Variants in DNAAF8 observed in about 807,000 individuals in gnomAD.
The protein encoded by DNAAF8 is dynein axonemal assembly factor 8.
A neutral mutation model predicts 54.6 loss-of-function variants in DNAAF8; 61 were observed. That is an observed-to-expected ratio of 1.12 (90% confidence interval 0.91 to 1.38). The LOEUF (loss-of-function observed/expected upper bound fraction) is 1.38. Ranked by LOEUF, DNAAF8 falls within the 40% of genes most tolerant of loss-of-function variation. DNAAF8 has a pLI of 0.00. For missense variants in DNAAF8, 837 were observed against 665.0 expected (o/e 1.26, Z -2.85); for synonymous variants, 320 against 270.1 (o/e 1.18, Z -1.81).
intron 6 of DNAAF8, 162 bp from the exon 7 acceptor site, chr16:4,746,213 T>A: frequency 1.4e-6 from 1 of 700,194 alleles, no homozygotes; most frequent in Non-Finnish European, 2.3e-6. Context: ...TCTCGCATGC[T>A]GTTCTGAAGA....
chr16:4,738,133 A>G, intron 3 of DNAAF8, 187 bp downstream of exon 3: 1 of 726,626 alleles, frequency 1.4e-6, no homozygotes. Flanking sequence ...TCTCCTGGGG[A>G]GCCCGGCACC....
intron 7 of DNAAF8, 81 bp downstream of exon 7, chr16:4,746,593 C>G (rs1218320863): frequency 1.3e-6 from 2 of 1,484,520 alleles, no homozygotes; most frequent in Non-Finnish European, 1.8e-6. Flanking sequence ...CTGGTGGATC[C>G]TGATGGGGAG....
intron 7 of DNAAF8, 129 bp from the exon 8 acceptor site, chr16:4,746,798 C>T (rs2082022892): frequency 7.8e-6 from 7 of 898,424 alleles, no homozygotes; most frequent in South Asian, 1.8e-5. Flanking sequence ...AGGACGTCCA[C>T]CGGCCTCCAG....
Position 4,742,996 on chromosome 16 carries a change from C to T in DNAAF8, c.784-47C>T, listed in dbSNP as rs574337125. On this transcript the variant is annotated intron_variant, in intron 4 of 9. Transcript: ENST00000299320. ...AGCTGTGAAGCAGGTACTTGTGCCT[C>T]TGGGACCCCTCAGCATCCTCATAAT... 1.2e-4 allele frequency: 176 copies of T among 1,468,668 alleles called. 4 individuals are homozygous for T. In the South Asian group the frequency reaches 1.9e-3, roughly 16 times the overall value. The allele number at this position is 1,468,668 out of a possible 1,614,324, so 91.0% of individuals were successfully genotyped here. A position where few individuals can be genotyped will look rare whatever the true frequency, so the allele number is the denominator to read the frequency against.
intron 5 of DNAAF8, among the ~76,000 whole-genome samples, chr16:4,744,077 G>A (rs2081982572): frequency 6.6e-6 from 1 of 151,854 alleles, no homozygotes; most frequent in South Asian, 2.1e-4. Context: ...TTACAGGCAC[G>A]TGCCACCACG....
At chr16:4,747,769 G>A (rs543874962) in intron 9 of DNAAF8, 135 bp downstream of exon 9, 5 of 1,080,478 alleles carry the variant, frequency 4.6e-6, no homozygotes, top group Non-Finnish European at 5.2e-6. Flanking sequence ...TTGGACTGTT[G>A]CCCACCCTGT....
intron 4 of DNAAF8, among the ~76,000 whole-genome samples, chr16:4,742,784 A>G (rs2081971751): frequency 2.6e-5 from 4 of 152,164 alleles, no homozygotes; most frequent in Admixed American, 1.3e-4. Flanking sequence ...TCTTTGTGCC[A>G]AAAACAAAAG....
chr16:4,738,076 A>C, intron 3 of DNAAF8, 130 bp downstream of exon 3: 2 of 1,189,030 alleles, frequency 1.7e-6, no homozygotes, highest in Non-Finnish European at 1.1e-6. Flanking sequence ...CCCCATGTAC[A>C]ACCCAAGGTA....
chr16:4,736,547 G>A lies in DNAAF8; in HGVS notation c.33G>A (p.Ser11=), dbSNP rs75552749. ...CCAACGATAAAGGCATGGCACCCTC[G>A]CTGGGCTCTCCCTGGGCCTCCCAGA... MASNDKGMAP[S]LGSPWASQMG... Residue 11 remains serine, a synonymous_variant, in exon 2 of 10, where the codon TCG becomes TCA. Transcript: ENST00000299320. 1.0e-5 allele frequency: 16 copies of A among 1,578,190 alleles called. No homozygotes were observed. The highest frequency in any genetic ancestry group is 9.3e-5 in the South Asian group (8 of 86,336).
chr16:4,736,493 G>A lies in DNAAF8; in HGVS notation c.-22G>A. 1 of 1,521,486 alleles carries A rather than the reference G, an allele frequency of 6.6e-7. No homozygotes were observed. The highest frequency in any genetic ancestry group is 8.9e-7 in the Non-Finnish European group (1 of 1,124,740). 94.2% of individuals were successfully genotyped at this position (1,521,486 alleles called of 1,614,324 possible). A position where few individuals can be genotyped will look rare whatever the true frequency, so the allele number is the denominator to read the frequency against. On this transcript the variant is annotated 5_prime_UTR_variant, in exon 2 of 10. Coordinates refer to ENST00000299320, the MANE Select transcript of DNAAF8 (RefSeq NM_139170.3). ...CCCCGGATTATGGTGCACTGAGAAGGCATCTGGAAGCCTGGGCCCTCATGG... is the reference window on the plus strand; with the variant it reads ...CCCCGGATTATGGTGCACTGAGAAGACATCTGGAAGCCTGGGCCCTCATGG...
chr16:4,747,355 G>C lies in DNAAF8; in HGVS notation c.1293G>C (p.Gly431=), dbSNP rs118086912. The C allele has an allele frequency of 1.9e-6, 3 of 1,583,796 alleles. No individual in the cohort carries two copies. The highest frequency in any genetic ancestry group is 2.7e-5 in the African/African-American group (2 of 74,150). Residue 431 remains glycine (G), a synonymous_variant, in exon 9 of 10, where the codon GGG becomes GGC. Coordinates refer to ENST00000299320, the MANE Select transcript of DNAAF8 (RefSeq NM_139170.3). The part of the protein sequence containing the change: ...PSSLGLRTCT[G]KSQLLQQLRA... ...CATTGTGTCACAGGACCTGTACCGG[G>C]AAAAGCCAGCTTCTCCAGCAGCTCA...
Position 4,740,344 on chromosome 16 carries a change from C to T in DNAAF8, c.468C>T (p.Phe156=). The T allele has an allele frequency of 2.5e-6, 4 of 1,613,962 alleles. No individual in the cohort carries two copies. Among genetic ancestry groups the T allele is most frequent in the Non-Finnish European group, 3.4e-6 (4 of 1,179,960 alleles). ...AAGGCGACCTTGGAAGCCTGTCTTT[C>T]AACACCAAAGGATCCCAGGGTCCTC... ...WLEGDLGSLS[F]NTKGSQGPPW... is the part of the protein sequence containing the mutation. The change falls in exon 4 of 10, where the codon TTC becomes TTT. Residue 156 remains phenylalanine (F), a synonymous_variant. Transcript: ENST00000299320.
intron 6 of DNAAF8, 134 bp downstream of exon 6, chr16:4,745,145 C>CT (rs2081998463): frequency 1.7e-6 from 2 of 1,154,780 alleles, no homozygotes; most frequent in Non-Finnish European, 2.4e-6. Flanking sequence ...TCTGATCAGG[C>CT]AGTCGCTCCA....
At chr16:4,746,194 T>C (rs908800875) in intron 6 of DNAAF8, 181 bp from the exon 7 acceptor site, 38 of 594,474 alleles carry the variant, frequency 6.4e-5, no homozygotes, top group Non-Finnish European at 1.0e-4. Context: ...TGGCCAGTGG[T>C]GGCCTAAATC....
At chr16:4,742,884 G>C (rs913136605) in intron 4 of DNAAF8, among the ~76,000 whole-genome samples, 159 bp from the exon 5 acceptor site, 15 of 152,116 alleles carry the variant, frequency 9.9e-5, no homozygotes, top group African/African-American at 3.6e-4. Context: ...ATGGAAAGGC[G>C]GGGTCAGCCT....
chr16:4,747,615 A>C lies in DNAAF8; in HGVS notation c.1553A>C (p.Glu518Ala). 6.2e-7 allele frequency: 1 copy of C among 1,604,748 alleles called. No individual in the cohort carries two copies. The highest frequency in any genetic ancestry group is 8.5e-7 in the Non-Finnish European group (1 of 1,175,220). Residue 518 changes from glutamate to alanine, a missense_variant, in exon 9 of 10, where the codon GAG (glutamate) becomes GCG (alanine). Physicochemically the swap from Glu to Ala is moderately radical, Grantham distance 107. Transcript: ENST00000299320. ...AGGGAGGCCCTGATGCCTCCTCTGG[A>C]GCAACTATAGCTGCCTCAGGTAGTG... ...AAREALMPPL[E>A]QL
rs1402251003 is a variant in DNAAF8, at chr16:4,746,192, G to A, written c.1044-183G>A. On this transcript the variant is annotated intron_variant, in intron 6 of 9. Coordinates refer to ENST00000299320, the MANE Select transcript of DNAAF8 (RefSeq NM_139170.3). ...CATGAGGGACGTTCTGTTGGCCAGT[G>A]GTGGCCTAAATCTCGCATGCTGTTC... The A allele has an allele frequency of 4.9e-5, 29 of 587,140 alleles. No individual in the cohort carries two copies. The South Asian group carries it at 6.1e-4, about 12-fold the overall frequency. 36.4% of individuals were successfully genotyped at this position (587,140 alleles called of 1,614,324 possible).
chr16:4,741,752 C>A (rs2081963486), intron 4 of DNAAF8, among the ~76,000 whole-genome samples: 2 of 151,836 alleles, frequency 1.3e-5, no homozygotes, highest in South Asian at 4.2e-4. Context: ...CCCTGCACTC[C>A]AGTTTGGGTG....
chr16:4,746,475 C>T lies in DNAAF8; in HGVS notation c.1144C>T (p.Arg382Trp), dbSNP rs147266014. The change falls in exon 7 of 10, where the codon CGG becomes TGG. Residue 382 changes from arginine to tryptophan, a missense_variant. Transcript: ENST00000299320. ...GTCCCCCACCATCTTTATTGACCTG[C>T]GGCAGATGGAGCTACCAGACCACCT... ...AESPTIFIDL[R>W]QMELPDHLSP... The T allele has an allele frequency of 4.2e-5, 68 of 1,613,608 alleles. No individual in the cohort carries two copies. Among genetic ancestry groups the T allele is most frequent in the African/African-American group, 1.5e-4 (11 of 74,928 alleles).
Sources: allele counts gnomAD v4.1 joint callset (sites outside exome capture counted in the v4.1 genomes callset), GRCh38; gene constraint gnomAD v4.1.1; transcripts MANE v1.5; gene names NCBI Gene and HGNC (gene_info 2026-07-23, HGNC 2026-07-21).